Variants in HMCN1 observed in about 807,000 individuals in gnomAD.
HMCN1 encodes hemicentin 1.
A neutral mutation model predicts 625.9 loss-of-function variants in HMCN1; 321 were observed. That is an observed-to-expected ratio of 0.51 (90% CI 0.47 to 0.56). HMCN1 has a LOEUF of 0.56. Ranked by LOEUF, HMCN1 falls within the 20% of genes least tolerant of loss-of-function variation. The pLI, the probability that HMCN1 is intolerant of heterozygous loss-of-function variation, is 0.00. For missense variants in HMCN1, 6,588 were observed against 6,887.3 expected, an observed-to-expected ratio of 0.96 and a Z score of 1.54; for synonymous variants, 2,425 against 2,417.6, an observed-to-expected ratio of 1.00 and a Z score of -0.09.
chr1:185,883,327 G>A (rs1664425038), intron 4 of HMCN1, among the ~76,000 whole-genome samples: 1 of 152,018 alleles, frequency 6.6e-6, no homozygotes, highest in African/African-American at 2.4e-5. Flanking sequence ...TTTGACAAAT[G>A]TATATGCTTA....
At chr1:185,817,740 T>A (rs1218746185) in intron 1 of HMCN1, among the ~76,000 whole-genome samples, 1 of 152,182 alleles carries the variant, frequency 6.6e-6, no homozygotes, top group African/African-American at 2.4e-5. Flanking sequence ...GGTGCAAGAA[T>A]GGCCCTGACT....
intron 106 of HMCN1, among the ~76,000 whole-genome samples, chr1:186,188,356 G>A (rs1346792507): frequency 6.6e-6 from 1 of 152,120 alleles, no homozygotes; most frequent in Non-Finnish European, 1.5e-5. Flanking sequence ...GTTGCCTCAG[G>A]GTGGTAAGGG....
chr1:186,087,828 G>A (rs1659602494), intron 60 of HMCN1, 104 bp from the exon 61 acceptor site: 5 of 1,177,298 alleles, frequency 4.2e-6, no homozygotes, highest in Non-Finnish European at 5.1e-6. Context: ...TTAGAACTGG[G>A]GCATTGAGCA....
chr1:186,129,935 A>G (rs1455814778), intron 83 of HMCN1, 31 bp from the exon 84 acceptor site: 2 of 1,612,036 alleles, frequency 1.2e-6, no homozygotes, highest in Non-Finnish European at 1.7e-6. Flanking sequence ...GGTTACTGAG[A>G]GGCACTTGTG....
chr1:186,148,306 A>G (rs1175997286), intron 93 of HMCN1, among the ~76,000 whole-genome samples: 1 of 152,074 alleles, frequency 6.6e-6, no homozygotes, highest in Non-Finnish European at 1.5e-5. Flanking sequence ...TACTTCCTCC[A>G]CTGAAGTCTT....
At chr1:186,162,159 T>A (rs1274740123) in intron 97 of HMCN1, among the ~76,000 whole-genome samples, 2 of 152,230 alleles carry the variant, frequency 1.3e-5, no homozygotes, top group African/African-American at 4.8e-5. Flanking sequence ...TCACTTCATT[T>A]CATTCATTTC....
intron 89 of HMCN1, among the ~76,000 whole-genome samples, chr1:186,138,246 G>A (rs1228062301): frequency 6.6e-6 from 1 of 152,082 alleles, no homozygotes; most frequent in African/African-American, 2.4e-5. Context: ...GAAAACATAA[G>A]TATTTACAAG....
At chr1:186,107,002 C>A in intron 70 of HMCN1, 37 bp downstream of exon 70, 1 of 1,237,192 alleles carries the variant, frequency 8.1e-7, no homozygotes, top group Non-Finnish European at 1.2e-6. Flanking sequence ...CTATCATACA[C>A]ACACCTAATT....
chr1:186,015,544 A>G (rs766564060), intron 31 of HMCN1, 107 bp downstream of exon 31: 8 of 1,031,180 alleles, frequency 7.8e-6, no homozygotes, highest in Non-Finnish European at 1.2e-5. Context: ...GTCTTTTTCA[A>G]TATGCATGGA....
At chr1:185,756,766 C>A (rs1655157791) in intron 1 of HMCN1, among the ~76,000 whole-genome samples, 1 of 152,074 alleles carries the variant, frequency 6.6e-6, no homozygotes, top group Non-Finnish European at 1.5e-5. Flanking sequence ...AAAAGTTTTG[C>A]TCCTTCTAAC....
chr1:185,892,019 C>G (rs969053966), intron 4 of HMCN1, among the ~76,000 whole-genome samples: 2 of 151,418 alleles, frequency 1.3e-5, no homozygotes, highest in Non-Finnish European at 2.9e-5. Context: ...TCTTTTTATT[C>G]TTTTTTCTCT....
At chr1:186,018,020 G>A (rs10911798) in intron 33 of HMCN1, among the ~76,000 whole-genome samples, 163 bp from the exon 34 acceptor site, 28,003 of 151,898 alleles carry the variant, frequency 0.18, 3,068 homozygotes, top group Non-Finnish European at 0.25. Flanking sequence ...CCAGCTCTGC[G>A]TTAGGCCGGG....
chr1:185,815,905 A>G (rs1659817919), intron 1 of HMCN1, among the ~76,000 whole-genome samples: 1 of 150,090 alleles, frequency 6.7e-6, no homozygotes, highest in Admixed American at 6.6e-5. Flanking sequence ...CATACTTGAT[A>G]ATGCTGTTTC....
Position 186,106,880 on chromosome 1 carries a change from G to T in HMCN1, c.10771-4G>T. Reference sequence around the variant, plus strand: ...TTATGTAATTCATTATTTGGGTTTTGTAGGTGGAGGATACAGGAAGATATA... The same window carrying T: ...TTATGTAATTCATTATTTGGGTTTTTTAGGTGGAGGATACAGGAAGATATA... On this transcript the variant is annotated splice_polypyrimidine_tract_variant and splice_region_variant and intron_variant, in intron 69 of 106. Transcript: ENST00000271588. 1 of 1,596,642 alleles carries T rather than the reference G, an allele frequency of 6.3e-7. No individual in the cohort carries two copies. Among genetic ancestry groups the T allele is most frequent in the Non-Finnish European group, 8.6e-7 (1 of 1,164,046 alleles).
intron 81 of HMCN1, among the ~76,000 whole-genome samples, chr1:186,125,351 C>G (rs1358963087): frequency 1.3e-5 from 2 of 152,002 alleles, no homozygotes; most frequent in Non-Finnish European, 1.5e-5. Context: ...GATCTTCTAC[C>G]CAGTTCTGTC....
intron 1 of HMCN1, among the ~76,000 whole-genome samples, chr1:185,771,618 C>T (rs1484108341): frequency 6.6e-6 from 1 of 152,138 alleles, no homozygotes; most frequent in Non-Finnish European, 1.5e-5. Flanking sequence ...GATATGGCCA[C>T]TTATTAGAGA....
At chr1:185,856,055 A>T (rs189770921) in intron 2 of HMCN1, among the ~76,000 whole-genome samples, 1 of 152,258 alleles carries the variant, frequency 6.6e-6, no homozygotes, top group East Asian at 1.9e-4. Flanking sequence ...TAATTATTCT[A>T]ATTTGTTTTA....
chr1:186,151,790 T>G (rs746902431), intron 95 of HMCN1, 47 bp downstream of exon 95: 13 of 1,570,354 alleles, frequency 8.3e-6, no homozygotes, highest in East Asian at 6.7e-5. Flanking sequence ...AAAAGTGCCA[T>G]GAAGATAGGT....
At chr1:186,115,517 A>C in intron 75 of HMCN1, 103 bp downstream of exon 75, 1 of 1,084,092 alleles carries the variant, frequency 9.2e-7, no homozygotes, top group Non-Finnish European at 1.4e-6. Flanking sequence ...GACTATAACA[A>C]ATTAGCTAGC....
Sources: gnomAD v4.1 joint callset for allele counts (sites outside exome capture counted in the v4.1 genomes callset) on GRCh38, gnomAD v4.1.1 for gene constraint, MANE v1.5 for transcripts, NCBI Gene and HGNC (gene_info 2026-07-23, HGNC 2026-07-21) for gene names.